CDC37L1: variants seen among roughly 807,000 people sequenced by gnomAD.
The protein encoded by CDC37L1 is hsp90 co-chaperone Cdc37-like 1.
Under a neutral mutation model 45.9 loss-of-function variants are expected in CDC37L1, and 32 were observed. The ratio of observed to expected loss-of-function variants is 0.70; its 90% CI spans 0.53 to 0.94. The LOEUF (loss-of-function observed/expected upper bound fraction) is 0.94, where lower values mean the gene tolerates loss of function less well. Ranked by LOEUF, CDC37L1 falls within the 40% of genes least tolerant of loss-of-function variation. CDC37L1 has a pLI of 0.00. For missense variants in CDC37L1, 434 were observed against 405.7 expected (o/e 1.07, Z -0.60); for synonymous variants, 150 against 133.0 (o/e 1.13, Z -0.88).
chr9:4,680,612 T>C (rs958302529), intron 1 of CDC37L1, among the ~76,000 whole-genome samples: 2 of 115,574 alleles, frequency 1.7e-5, no homozygotes, highest in African/African-American at 8.8e-5. Context: ...CGTATCCAAA[T>C]GTGATATACT....
Position 4,691,221 on chromosome 9 carries a change from T to C in CDC37L1, c.508+2615T>C, listed in dbSNP as rs182467823. On this transcript the variant is annotated intron_variant, in intron 3 of 6. Coordinates refer to ENST00000381854, the MANE Select transcript of CDC37L1 (RefSeq NM_017913.4). The stretch of plus-strand genomic sequence containing the variant: ...GGGGTACATGTGCAGGATGTGCAGG[T>C]TTGTTACATAGGTAAGCGTGTGTCT... 2.7e-3 allele frequency among the ~76,000 whole-genome samples: 407 copies of C among 152,350 alleles called. 1 individual carries two copies. Among genetic ancestry groups the C allele is most frequent in the African/African-American group, 8.9e-3 (368 of 41,574 alleles).
chr9:4,703,289 A>G, intron 6 of CDC37L1: 1 of 427,544 alleles, frequency 2.3e-6, no homozygotes, highest in Non-Finnish European at 3.9e-6. Flanking sequence ...CCTTTAAGGA[A>G]AGTGATTGAT....
rs749748619 is a variant in CDC37L1, at chr9:4,698,131, T to TA, written c.747+253dup. Among the ~76,000 whole-genome samples, 14 of 152,284 alleles carry TA rather than the reference T, an allele frequency of 9.2e-5. No individual in the cohort carries two copies. The South Asian group carries it at 2.7e-3, about 29-fold the overall frequency. ...AATGAATGTGTGTATTCAGGAAACT[T>TA]ACGTTCCATCATTAATTCATTCAGT... is the stretch of plus-strand genomic sequence containing the variant. On this transcript the variant is annotated intron_variant, in intron 5 of 6. Coordinates refer to ENST00000381854, the MANE Select transcript of CDC37L1 (RefSeq NM_017913.4).
At chr9:4,696,274 C>T (rs1398772108) in intron 3 of CDC37L1, among the ~76,000 whole-genome samples, 2 of 152,158 alleles carry the variant, frequency 1.3e-5, no homozygotes, top group Admixed American at 1.3e-4. Context: ...CTTGAGTCAG[C>T]TCTACAAAAT....
chr9:4,702,976 T>C, intron 6 of CDC37L1: 1 of 1,034,120 alleles, frequency 9.7e-7, no homozygotes, highest in Non-Finnish European at 1.3e-6. Context: ...AGACCACTGG[T>C]CTGCCTGATG....
Position 4,701,906 on chromosome 9 carries a change from G to T in CDC37L1, c.790G>T (p.Glu264Ter). 6.2e-7 allele frequency: 1 copy of T among 1,604,378 alleles called. No homozygotes were observed. Residue 264 changes from glutamate (E) to a stop codon, truncating the protein, a stop_gained, in exon 6 of 7, where the codon GAA (glutamate) becomes TAA (stop). Transcript: ENST00000381854. LOFTEE classifies it high-confidence loss of function. The stretch of plus-strand genomic sequence containing the variant: ...TTTTGAAGCATTCAAAAATGAACTT[G>T]AAGCTTTCAAGTCAAGAGTAAGACT... The part of the protein sequence containing the change: ...GYFEAFKNEL[E>*]AFKSRVRLYS...
chr9:4,681,552 G>C (rs767491611), intron 1 of CDC37L1, among the ~76,000 whole-genome samples: 4 of 152,092 alleles, frequency 2.6e-5, no homozygotes, highest in Non-Finnish European at 5.9e-5. Flanking sequence ...GCTGAGGCAG[G>C]AGAATTGTTG....
chr9:4,700,706 T>C (rs1841388790), intron 5 of CDC37L1, among the ~76,000 whole-genome samples: 1 of 152,240 alleles, frequency 6.6e-6, no homozygotes. Flanking sequence ...TTCCAGGGAC[T>C]ATTCTAAGCA....
chr9:4,694,457 T>C (rs977551278), intron 3 of CDC37L1, among the ~76,000 whole-genome samples: 8 of 152,236 alleles, frequency 5.3e-5, no homozygotes, highest in Non-Finnish European at 8.8e-5. Flanking sequence ...AACTTCTCAA[T>C]TTCATACTAA....
intron 5 of CDC37L1, among the ~76,000 whole-genome samples, chr9:4,699,486 G>T (rs1000351610): frequency 6.6e-6 from 1 of 151,916 alleles, no homozygotes; most frequent in East Asian, 1.9e-4. Context: ...AAACAAGAGA[G>T]TGAATCAAAC....
intron 1 of CDC37L1, among the ~76,000 whole-genome samples, chr9:4,684,401 TG>T (rs751780633): frequency 1.3e-5 from 2 of 152,146 alleles, no homozygotes; most frequent in Non-Finnish European, 2.9e-5. Flanking sequence ...CACCAAGGAT[TG>T]GAAAAATACA....
intron 6 of CDC37L1, among the ~76,000 whole-genome samples, chr9:4,704,944 T>C (rs937270397): frequency 6.6e-6 from 1 of 152,202 alleles, no homozygotes; most frequent in Non-Finnish European, 1.5e-5. Context: ...GGATTAAAAC[T>C]GAAGCCCAGT....
At position 4,702,005 on chromosome 9, in the gene CDC37L1, G is replaced by A; in HGVS notation, c.889G>A (p.Gly297Ser). 1.4e-6 allele frequency: 2 copies of A among 1,474,752 alleles called. No homozygotes were observed. Among genetic ancestry groups the A allele is most frequent in the Non-Finnish European group, 1.8e-6 (2 of 1,111,030 alleles). 91.4% of individuals were successfully genotyped at this position (1,474,752 alleles called of 1,614,324 possible). A position where few individuals can be genotyped will look rare whatever the true frequency, so the allele number is the denominator to read the frequency against. ...HVPHSGVGSIGLLESLPQNPD... is the reference protein window; with the variant it reads ...HVPHSGVGSISLLESLPQNPD... Reference sequence around the variant, plus strand: ...TCCCCATTCTGGTGTTGGATCTATAGGTTTATTAGAATCCTTACCACAGGT... The same window carrying A: ...TCCCCATTCTGGTGTTGGATCTATAAGTTTATTAGAATCCTTACCACAGGT... Residue 297 changes from glycine (G) to serine (S), a missense_variant, in exon 6 of 7, where the codon GGT becomes AGT. Physicochemically the swap from Gly to Ser is moderately conservative, Grantham distance 56 (BLOSUM62 0). Transcript: ENST00000381854.
chr9:4,695,052 G>A (rs1418563707), intron 3 of CDC37L1, among the ~76,000 whole-genome samples: 3 of 152,150 alleles, frequency 2.0e-5, no homozygotes, highest in Admixed American at 1.3e-4. Context: ...TATCGTGGAT[G>A]GTAGATAGAG....
chr9:4,705,771 TTC>T (rs1841435742), intron 6 of CDC37L1, among the ~76,000 whole-genome samples: 1 of 152,186 alleles, frequency 6.6e-6, no homozygotes, highest in Non-Finnish European at 1.5e-5. Context: ...TTGTTAACAT[TTC>T]TGTTTTTTAC....
intron 6 of CDC37L1, among the ~76,000 whole-genome samples, chr9:4,704,885 A>G (rs2130855992): frequency 6.6e-6 from 1 of 152,270 alleles, no homozygotes. Flanking sequence ...TAATTTTACT[A>G]AATTGTGAAT....
At chr9:4,680,259 C>A (rs1440263713) in intron 1 of CDC37L1, among the ~76,000 whole-genome samples, 1 of 152,160 alleles carries the variant, frequency 6.6e-6, no homozygotes, top group Non-Finnish European at 1.5e-5. Flanking sequence ...AGGTTTTCCC[C>A]AAGCACTTTA....
chr9:4,695,777 A>G (rs1007763179), intron 3 of CDC37L1, among the ~76,000 whole-genome samples: 1 of 152,076 alleles, frequency 6.6e-6, no homozygotes, highest in Non-Finnish European at 1.5e-5. Context: ...GATTACAAGC[A>G]TGTGCCACCA....
chr9:4,679,663 C>G lies in CDC37L1; in HGVS notation c.-105C>G. 2 of 1,111,500 alleles carry G rather than the reference C, an allele frequency of 1.8e-6. No homozygotes were observed. Among genetic ancestry groups the G allele is most frequent in the Non-Finnish European group, 2.5e-6 (2 of 800,716 alleles). The allele number at this position is 1,111,500 out of a possible 1,614,324, so 68.9% of individuals were successfully genotyped here. On this transcript the variant is annotated 5_prime_UTR_variant, in exon 1 of 7. Coordinates refer to ENST00000381854, the MANE Select transcript of CDC37L1 (RefSeq NM_017913.4). ...GGATTCTGGGTAACGGCCCGGACCC[C>G]CGGCTGGGCTTCTGGCTCGGCGCAG...
Sources: gnomAD v4.1 joint callset for allele counts (sites outside exome capture counted in the v4.1 genomes callset) on GRCh38, gnomAD v4.1.1 for gene constraint, MANE v1.5 for transcripts, NCBI Gene and HGNC (gene_info 2026-07-23, HGNC 2026-07-21) for gene names.